GRIA4: variants seen among roughly 807,000 people sequenced by gnomAD.
The protein encoded by GRIA4 is glutamate ionotropic receptor AMPA type subunit 4.
Under a neutral mutation model 104.0 loss-of-function variants are expected in GRIA4, and 34 were observed. The observed-to-expected ratio is 0.33, with a 90% CI of 0.25 to 0.44. The LOEUF is 0.44. GRIA4 is among the 20% of genes least tolerant of loss of function. GRIA4 has a pLI of 1.00. For missense variants in GRIA4, 750 were observed against 1,096.5 expected (o/e 0.68, Z 4.46); for synonymous variants, 386 against 381.9 (o/e 1.01, Z -0.13).
intron 11 of GRIA4, among the ~76,000 whole-genome samples, chr11:105,919,495 A>G (rs1947501088): frequency 6.6e-6 from 1 of 152,182 alleles, no homozygotes; most frequent in African/African-American, 2.4e-5. Context: ...TTATAATAGT[A>G]TACATAGCAA....
intron 3 of GRIA4, among the ~76,000 whole-genome samples, chr11:105,639,444 A>G (rs991160142): frequency 6.6e-6 from 1 of 152,030 alleles, no homozygotes; most frequent in Non-Finnish European, 1.5e-5. Flanking sequence ...TTTCCTATTC[A>G]TGACTAGAGT....
chr11:105,976,922 A>G (rs1859010290), intron 16 of GRIA4, among the ~76,000 whole-genome samples: 1 of 152,046 alleles, frequency 6.6e-6, no homozygotes, highest in South Asian at 2.1e-4. Flanking sequence ...GATTTAAAGA[A>G]AAATAAGTCA....
intron 3 of GRIA4, among the ~76,000 whole-genome samples, chr11:105,654,228 G>A (rs1353371767): frequency 1.3e-5 from 2 of 151,628 alleles, no homozygotes; most frequent in African/African-American, 4.8e-5. Flanking sequence ...AAAGATGTTG[G>A]TTAAAGGCTA....
chr11:105,770,568 C>A (rs887843651), intron 4 of GRIA4, among the ~76,000 whole-genome samples: 7 of 151,858 alleles, frequency 4.6e-5, no homozygotes, highest in Non-Finnish European at 8.8e-5. Flanking sequence ...TTAAATAAAC[C>A]AAATCATCCA....
In GRIA4 at chr11:105,631,037, A is replaced by G. The variant is rs1378906659; in HGVS notation, c.247+18603A>G. Among the ~76,000 whole-genome samples the G allele has an allele frequency of 2.6e-5, 4 of 151,934 alleles. No individual in the cohort carries two copies. The South Asian group carries it at 6.2e-4, about 24-fold the overall frequency. On this transcript the variant is annotated intron_variant, in intron 3 of 16. Transcript: ENST00000282499. ...ACCCCAAAGATTCTTTCTCACTTCT[A>G]CTCCCCACCTTGTTTATTACAAAGT...
rs369080162 is a variant in GRIA4, at chr11:105,928,628, C to T, written c.2046+1689C>T. On this transcript the variant is annotated intron_variant, in intron 13 of 16. Transcript: ENST00000282499. Reference sequence around the variant, plus strand: ...CACCAAAATAAAATACAAGTTTGTGCTATCATTTGCACTTTACTGAAAATT... The same window carrying T: ...CACCAAAATAAAATACAAGTTTGTGTTATCATTTGCACTTTACTGAAAATT... 3.3e-5 allele frequency among the ~76,000 whole-genome samples: 5 copies of T among 151,996 alleles called. No homozygotes were observed. The East Asian group carries it at 7.7e-4, about 23-fold the overall frequency.
At chr11:105,755,234 C>A (rs1032831933) in intron 4 of GRIA4, among the ~76,000 whole-genome samples, 1 of 151,842 alleles carries the variant, frequency 6.6e-6, no homozygotes, top group Non-Finnish European at 1.5e-5. Context: ...TTTTAAACTG[C>A]CTTTAATCCT....
chr11:105,961,980 T>C (rs891245536), intron 14 of GRIA4, among the ~76,000 whole-genome samples: 6 of 152,208 alleles, frequency 3.9e-5, no homozygotes, highest in African/African-American at 1.4e-4. Context: ...GTCCTGAATA[T>C]CTTGTGGGCA....
intron 14 of GRIA4, among the ~76,000 whole-genome samples, chr11:105,956,949 G>A: frequency 1.1e-5 from 1 of 87,892 alleles, no homozygotes; most frequent in Non-Finnish European, 2.4e-5. Context: ...ATTTTTTGAT[G>A]GGGTTGTTTG....
At position 105,612,608 on chromosome 11, in the gene GRIA4, T is replaced by G. The variant is rs1337844117; in HGVS notation, c.247+174T>G. 0.039 allele frequency: 11 copies of G among 282 alleles called. No homozygotes were observed. The Non-Finnish European group carries it at 0.46, about 12-fold the overall frequency. The allele number at this position is 282 out of a possible 1,614,324, so 0.0% of individuals were successfully genotyped here. A position where few individuals can be genotyped will look rare whatever the true frequency, so the allele number is the denominator to read the frequency against. Reference sequence around the variant, plus strand: ...ACTTCGTTTCAGGGATATTTAGTTGTTTTTTTTTTCTTTTCCTTAATTTAT... The same window carrying G: ...ACTTCGTTTCAGGGATATTTAGTTGGTTTTTTTTTCTTTTCCTTAATTTAT... On this transcript the variant is annotated intron_variant, in intron 3 of 16. Transcript: ENST00000282499.
intron 4 of GRIA4, among the ~76,000 whole-genome samples, chr11:105,783,744 T>TTGTGTGTGTGTG (rs56222983): frequency 9.6e-4 from 139 of 145,470 alleles, no homozygotes; most frequent in East Asian, 3.1e-3. Context: ...TGGATGTTAT[T>TTGTGTGTGTGTG]TGTGTGTGTG....
At chr11:105,934,384 C>CTAGCAAACCACT (rs1237395246) in intron 14 of GRIA4, among the ~76,000 whole-genome samples, 2 of 152,076 alleles carry the variant, frequency 1.3e-5, no homozygotes, top group Non-Finnish European at 2.9e-5. Context: ...TAACCTTTTT[C>CTAGCAAACCACT]TAGCAAACCA....
intron 7 of GRIA4, among the ~76,000 whole-genome samples, chr11:105,902,702 G>C (rs1254638783): frequency 6.6e-6 from 1 of 152,162 alleles, no homozygotes; most frequent in Non-Finnish European, 1.5e-5. Flanking sequence ...AAATCAAGGA[G>C]ATCATCCTCC....
In GRIA4 at chr11:105,699,454, C is replaced by A. The variant is rs557642686; in HGVS notation, c.248-53527C>A. Among the ~76,000 whole-genome samples, 3 of 152,276 alleles carry A rather than the reference C, an allele frequency of 2.0e-5. 1 individual carries two copies. The highest frequency in any genetic ancestry group is 7.2e-5 in the African/African-American group (3 of 41,572). ...ATCTTCTGTCATCTGGAGACGGCTG[C>A]AACATTGATGTCATTTGTTGTTCCA... On this transcript the variant is annotated intron_variant, in intron 3 of 16. Coordinates refer to ENST00000282499, the MANE Select transcript of GRIA4 (RefSeq NM_000829.4).
chr11:105,904,096 TATATC>T, intron 8 of GRIA4, 115 bp downstream of exon 8: 1 of 702,106 alleles, frequency 1.4e-6, no homozygotes, highest in Non-Finnish European at 2.4e-6. Flanking sequence ...GCTACTTAAA[TATATC>T]AAGCCATCAT....
chr11:105,749,996 G>T (rs1939904356), intron 3 of GRIA4, among the ~76,000 whole-genome samples: 1 of 151,872 alleles, frequency 6.6e-6, no homozygotes, highest in African/African-American at 2.4e-5. Context: ...TATGTATTCT[G>T]AACACATTCA....
At chr11:105,747,486 G>A (rs1388432171) in intron 3 of GRIA4, among the ~76,000 whole-genome samples, 1 of 152,104 alleles carries the variant, frequency 6.6e-6, no homozygotes, top group East Asian at 1.9e-4. Flanking sequence ...TAAGACAGGA[G>A]GGCAATGTCA....
chr11:105,849,813 G>A (rs948204173), intron 4 of GRIA4, among the ~76,000 whole-genome samples: 4 of 152,014 alleles, frequency 2.6e-5, no homozygotes, highest in African/African-American at 9.7e-5. Flanking sequence ...GTCATAATTA[G>A]CTCTAAAAAA....
rs1414906873 is a variant in GRIA4 at position 105,732,325 on chromosome 11, C to T, written c.248-20656C>T. ...GGCCCAAACATATCTATAGAAGTGCCCAGCGTTGAGTGGAGGGCGTGAACC... is the reference window on the plus strand; with the variant it reads ...GGCCCAAACATATCTATAGAAGTGCTCAGCGTTGAGTGGAGGGCGTGAACC... On this transcript the variant is annotated intron_variant, in intron 3 of 16. Coordinates refer to ENST00000282499, the MANE Select transcript of GRIA4 (RefSeq NM_000829.4). Among the ~76,000 whole-genome samples, 4 of 152,184 alleles carry T rather than the reference C, an allele frequency of 2.6e-5. No individual in the cohort carries two copies. The East Asian group carries it at 7.8e-4, about 30-fold the overall frequency.
Sources: allele counts gnomAD v4.1 joint callset (sites outside exome capture counted in the v4.1 genomes callset), GRCh38; gene constraint gnomAD v4.1.1; transcripts MANE v1.5; gene names NCBI Gene and HGNC (gene_info 2026-07-23, HGNC 2026-07-21).